Variants in SLC25A51 observed in about 807,000 individuals in gnomAD.
SLC25A51 encodes mitochondrial nicotinamide adenine dinucleotide transporter SLC25A51.
In SLC25A51, 11 loss-of-function variants were observed where a neutral mutation model predicts 19.1. That is an observed-to-expected ratio of 0.58 (90% confidence interval 0.36 to 0.96). The LOEUF (loss-of-function observed/expected upper bound fraction) is 0.96. Among genes scored for constraint, SLC25A51 ranks in the 40% least tolerant of loss-of-function variants. SLC25A51 has a pLI of 0.01. For missense variants in SLC25A51, 201 were observed against 365.4 expected (o/e 0.55, Z 3.67); for synonymous variants, 105 against 133.6 (o/e 0.79, Z 1.47).
downstream of SLC25A51, among the ~76,000 whole-genome samples, chr9:37,886,826 T>C (rs1171009640): frequency 2.0e-5 from 3 of 152,200 alleles, no homozygotes; most frequent in African/African-American, 7.2e-5. Context: ...CCAAGGACTC[T>C]TGCTTCCTTA....
exon 3 of SLC25A51, chr9:37,881,624 T>G (rs1219365031): frequency 6.6e-6 from 1 of 152,094 alleles, no homozygotes; most frequent in Non-Finnish European, 1.5e-5. Context: ...GCCCAGGCAA[T>G]AGAAACCCTG....
At chr9:37,894,915 T>C in intron 2 of SLC25A51, among the ~76,000 whole-genome samples, 1 of 152,184 alleles carries the variant, frequency 6.6e-6, no homozygotes, top group East Asian at 1.9e-4. Context: ...AATAATGGCT[T>C]CCAGCTCCAT....
intron 1 of SLC25A51, among the ~76,000 whole-genome samples, chr9:37,900,411 T>C (rs1363320222): frequency 6.7e-6 from 1 of 149,644 alleles, no homozygotes; most frequent in East Asian, 2.0e-4. Flanking sequence ...ATCACAGCAC[T>C]GCACTCCAGC....
Position 37,902,179 on chromosome 9 carries a change from C to A in SLC25A51, c.-165+1889G>T, listed in dbSNP as rs540886226. ...AAGCCAAGTTATTTGTGTACTTGAA[C>A]AACAATAAAAATTTTGTCCATGTTC... On this transcript the variant is annotated intron_variant, in intron 1 of 2. Coordinates refer to ENST00000242275, the MANE Select transcript of SLC25A51 (RefSeq NM_033412.4). Among the ~76,000 whole-genome samples, 310 of 152,240 alleles carry A rather than the reference C, an allele frequency of 2.0e-3. 1 individual carries two copies. Among genetic ancestry groups the A allele is most frequent in the Non-Finnish European group, 3.4e-3 (232 of 68,004 alleles).
downstream of SLC25A51, chr9:37,886,156 C>T (rs1831451824): frequency 6.9e-7 from 1 of 1,447,210 alleles, no homozygotes; most frequent in South Asian, 1.1e-5. Flanking sequence ...AACTCCCTAC[C>T]CTGATCCTGT....
chr9:37,899,953 T>TA lies in SLC25A51; in HGVS notation c.-164-4dup, dbSNP rs773788599. On this transcript the variant is annotated splice_polypyrimidine_tract_variant and splice_region_variant and intron_variant, in intron 1 of 2. Coordinates refer to ENST00000242275, the MANE Select transcript of SLC25A51 (RefSeq NM_033412.4). ...GTCAATTTTGATAACTGGATTTCCT[T>TA]AAAAAAAAAAAAATTCTGGTTTAAT... is the stretch of plus-strand genomic sequence containing the variant. The TA allele has an allele frequency of 6.1e-3, 822 of 134,068 alleles. 4 individuals carry two copies. Among genetic ancestry groups the TA allele is most frequent in the African/African-American group, 0.017 (617 of 36,190 alleles). The allele number at this position is 134,068 out of a possible 1,614,324, so 8.3% of individuals were successfully genotyped here. A position where few individuals can be genotyped will look rare whatever the true frequency, so the allele number is the denominator to read the frequency against.
In SLC25A51 at chr9:37,892,127, G is replaced by A. The variant is rs186867460; in HGVS notation, c.-42-3535C>T. ...GCAAAGTAAAAATTAAATAGCATAC[G>A]TATGTCAGGTACCTATGTCAGGGGA... On this transcript the variant is annotated intron_variant, in intron 2 of 2. Coordinates refer to ENST00000242275, the MANE Select transcript of SLC25A51 (RefSeq NM_033412.4). Among the ~76,000 whole-genome samples, 33 of 152,274 alleles carry A rather than the reference G, an allele frequency of 2.2e-4. 1 individual carries two copies. Among genetic ancestry groups the A allele is most frequent in the African/African-American group, 7.2e-4 (30 of 41,560 alleles).
Position 37,887,723 on chromosome 9 carries a change from G to T in SLC25A51, c.828C>A (p.Tyr276Ter), listed in dbSNP as rs760521610. Residue 276 changes from tyrosine to a stop codon, truncating the protein, a stop_gained, in exon 3 of 3, where the codon TAC (tyrosine) becomes TAA (stop). Transcript: ENST00000242275. LOFTEE classifies it high-confidence loss of function. ...TGCCCCAAGAGATGAGGGACCGATG[G>T]TAATTCAGATGGGCACCTCTGAAAA... ...INLFRGAHLNYHRSLISWGII... is the reference protein window; with the variant it reads ...INLFRGAHLN 3 of 1,613,748 alleles carry T rather than the reference G, an allele frequency of 1.9e-6. No individual in the cohort carries two copies. The highest frequency in any genetic ancestry group is 2.7e-5 in the African/African-American group (2 of 74,874).
intron 2 of SLC25A51, among the ~76,000 whole-genome samples, chr9:37,882,581 G>A (rs1327819953): frequency 5.3e-5 from 8 of 152,110 alleles, no homozygotes; most frequent in Admixed American, 1.3e-4. Context: ...CAAATACATC[G>A]ATTTTGTCCC....
At chr9:37,891,430 G>A (rs1831583270) in intron 2 of SLC25A51, among the ~76,000 whole-genome samples, 1 of 152,210 alleles carries the variant, frequency 6.6e-6, no homozygotes, top group Non-Finnish European at 1.5e-5. Context: ...GGAAATGTGG[G>A]GAAAAGACAG....
intron 2 of SLC25A51, 40 bp from the exon 3 acceptor site, chr9:37,888,632 G>C: frequency 6.8e-7 from 1 of 1,473,516 alleles, no homozygotes; most frequent in East Asian, 2.3e-5. Context: ...CCGTTTTATA[G>C]AGAGCTAAAC....
intron 2 of SLC25A51, among the ~76,000 whole-genome samples, chr9:37,889,872 T>C (rs1436159585): frequency 1.3e-5 from 2 of 151,832 alleles, no homozygotes; most frequent in African/African-American, 2.4e-5. Context: ...CAGATCCAAA[T>C]AGCTGGGTCA....
At chr9:37,897,266 C>A (rs970493914) in intron 2 of SLC25A51, among the ~76,000 whole-genome samples, 1 of 151,624 alleles carries the variant, frequency 6.6e-6, no homozygotes, top group African/African-American at 2.4e-5. Context: ...TGTTGCCCAG[C>A]CTGGTCTTCA....
At position 37,891,898 on chromosome 9, in the gene SLC25A51, T is replaced by TA. The variant is rs5897706; in HGVS notation, c.-42-3307dup. 4.1e-3 allele frequency among the ~76,000 whole-genome samples: 463 copies of TA among 113,156 alleles called. 1 individual carries two copies. Among genetic ancestry groups the TA allele is most frequent in the African/African-American group, 0.012 (344 of 29,776 alleles). The allele number at this position is 113,156 out of a possible 152,430, so 74.2% of individuals were successfully genotyped here. A position where few individuals can be genotyped will look rare whatever the true frequency, so the allele number is the denominator to read the frequency against. ...TATATATATATACACACAACTACTTTAAAAAAAAAAAAAAAAAGATTCAGC... is the reference window on the plus strand; with the variant it reads ...TATATATATATACACACAACTACTTTAAAAAAAAAAAAAAAAAAGATTCAGC... On this transcript the variant is annotated intron_variant, in intron 2 of 2. Coordinates refer to ENST00000242275, the MANE Select transcript of SLC25A51 (RefSeq NM_033412.4).
At chr9:37,898,284 G>A (rs10973603) in intron 2 of SLC25A51, among the ~76,000 whole-genome samples, 2,530 of 152,012 alleles carry the variant, frequency 0.017, 61 homozygotes, top group African/African-American at 0.057. Context: ...GGCCGGGTGC[G>A]GTGGCTCACG....
At position 37,902,316 on chromosome 9, in the gene SLC25A51, C is replaced by T. The variant is rs184073225; in HGVS notation, c.-165+1752G>A. Among the ~76,000 whole-genome samples the T allele has an allele frequency of 1.9e-3, 294 of 152,326 alleles. 1 individual carries two copies. The highest frequency in any genetic ancestry group is 6.3e-3 in the African/African-American group (262 of 41,564). On this transcript the variant is annotated intron_variant, in intron 1 of 2. Coordinates refer to ENST00000242275, the MANE Select transcript of SLC25A51 (RefSeq NM_033412.4). ...CTGTTATTAAACAAGCAGAAAACTA[C>T]AGCTAACAGAAGTTAACCATTTATT...
downstream of SLC25A51, chr9:37,885,902 C>A: frequency 6.2e-7 from 1 of 1,601,736 alleles, no homozygotes; most frequent in Non-Finnish European, 8.6e-7. Flanking sequence ...ATATATGGGC[C>A]CTGAGTATAT....
downstream of SLC25A51, among the ~76,000 whole-genome samples, chr9:37,883,561 A>C (rs1264187225): frequency 1.3e-5 from 2 of 152,212 alleles, no homozygotes; most frequent in Admixed American, 6.5e-5. Context: ...AAGCCCAACA[A>C]AACCAAAGGC....
chr9:37,901,177 AT>A (rs999891076), intron 1 of SLC25A51, among the ~76,000 whole-genome samples: 18 of 148,316 alleles, frequency 1.2e-4, no homozygotes, highest in East Asian at 4.1e-4. Flanking sequence ...TAAAAAAAAA[AT>A]TTTTTTTTTG....
Sources: allele counts gnomAD v4.1 joint callset (sites outside exome capture counted in the v4.1 genomes callset), GRCh38; gene constraint gnomAD v4.1.1; transcripts MANE v1.5; gene names NCBI Gene and HGNC (gene_info 2026-07-23, HGNC 2026-07-21).